FHIT: variants seen among roughly 807,000 people sequenced by gnomAD.
FHIT encodes fragile histidine triad diadenosine triphosphatase, also known as bis(5'-adenosyl)-triphosphatase.
In FHIT, 19 loss-of-function variants were observed where a neutral mutation model predicts 17.9. That is an observed-to-expected ratio of 1.06 (90% CI 0.74 to 1.56). FHIT has a LOEUF of 1.56. Among genes scored for constraint, FHIT ranks in the 40% most tolerant of loss-of-function variants. The pLI, the probability that FHIT is intolerant of heterozygous loss-of-function variation, is 0.00. For missense variants in FHIT, 248 were observed against 189.2 expected, an observed-to-expected ratio of 1.31 and a Z score of -1.82; for synonymous variants, 81 against 69.7, an observed-to-expected ratio of 1.16 and a Z score of -0.81.
chr3:59,936,286 A>C (rs183505878), intron 7 of FHIT, among the ~76,000 whole-genome samples: 2 of 152,220 alleles, frequency 1.3e-5, no homozygotes, highest in East Asian at 3.9e-4. Flanking sequence ...TTATTTATAC[A>C]TCATATCAGA....
intron 4 of FHIT, among the ~76,000 whole-genome samples, chr3:60,817,147 A>C (rs944700172): frequency 7.2e-5 from 11 of 152,126 alleles, no homozygotes; most frequent in African/African-American, 2.6e-4. Context: ...GTATAAATCC[A>C]TTTGCCACTG....
chr3:60,792,393 A>T (rs1487851464), intron 4 of FHIT, among the ~76,000 whole-genome samples: 1 of 152,246 alleles, frequency 6.6e-6, no homozygotes, highest in African/African-American at 2.4e-5. Flanking sequence ...TACAGTTAAA[A>T]TCATGCTGTC....
intron 7 of FHIT, among the ~76,000 whole-genome samples, chr3:59,969,596 T>G (rs766594348): frequency 6.6e-6 from 1 of 152,118 alleles, no homozygotes; most frequent in Non-Finnish European, 1.5e-5. Flanking sequence ...GAACAGTAAC[T>G]GTGTTTTGTA....
intron 5 of FHIT, among the ~76,000 whole-genome samples, chr3:60,248,157 C>T (rs541479220): frequency 6.6e-6 from 1 of 152,228 alleles, no homozygotes; most frequent in South Asian, 2.1e-4. Context: ...AAAACGTCCT[C>T]AAAGTAACTT....
intron 1 of FHIT, among the ~76,000 whole-genome samples, chr3:61,236,976 G>T (rs1470058230): frequency 6.6e-6 from 1 of 152,182 alleles, no homozygotes; most frequent in Admixed American, 6.5e-5. Flanking sequence ...CCCTGAAATA[G>T]AATTAAAGAT....
At position 60,860,679 on chromosome 3, in the gene FHIT, CAT is replaced by C. The variant is rs782278193; in HGVS notation, c.-110-38670_-110-38669del. Among the ~76,000 whole-genome samples the C allele has an allele frequency of 1.2e-3, 114 of 98,456 alleles. 23 individuals carry two copies. The highest frequency in any genetic ancestry group is 5.1e-3 in the African/African-American group (104 of 20,270). The allele number at this position is 98,456 out of a possible 152,430, so 64.6% of individuals were successfully genotyped here. A position where few individuals can be genotyped will look rare whatever the true frequency, so the allele number is the denominator to read the frequency against. On this transcript the variant is annotated intron_variant, in intron 3 of 9. Coordinates refer to ENST00000492590, the MANE Select transcript of FHIT (RefSeq NM_002012.4). ...TATCAGGTATATATGTACATATGTA[CAT>C]ATATATCAGGTATATATGTACATAT...
At chr3:60,209,012 T>C (rs142299899) in intron 5 of FHIT, among the ~76,000 whole-genome samples, 9 of 152,316 alleles carry the variant, frequency 5.9e-5, no homozygotes, top group Admixed American at 3.3e-4. Flanking sequence ...TTCTGTCCAC[T>C]TCGACTCAGA....
chr3:60,963,081 C>A (rs1268197625), intron 3 of FHIT, among the ~76,000 whole-genome samples: 5 of 152,184 alleles, frequency 3.3e-5, no homozygotes, highest in Non-Finnish European at 5.9e-5. Context: ...GGTTGCTAGG[C>A]TATTAATTAT....
intron 4 of FHIT, among the ~76,000 whole-genome samples, chr3:60,707,184 C>T (rs2041395021): frequency 6.6e-6 from 1 of 152,128 alleles, no homozygotes; most frequent in African/African-American, 2.4e-5. Flanking sequence ...TCCAAAAAGC[C>T]CACAGGCACT....
In FHIT at chr3:60,251,831, T is replaced by C. The variant is rs540436807; in HGVS notation, c.104-237679A>G. Among the ~76,000 whole-genome samples, 98 of 152,328 alleles carry C rather than the reference T, an allele frequency of 6.4e-4. 1 individual carries two copies. Among genetic ancestry groups the C allele is most frequent in the Middle Eastern group, 6.8e-3 (2 of 294 alleles). On this transcript the variant is annotated intron_variant, in intron 5 of 9. Transcript: ENST00000492590. Reference sequence around the variant, plus strand: ...AAAGCCCTGCTGTGAACTAACTATGTGCAAGACATGACAAACACAGCAGTC... The same window carrying C: ...AAAGCCCTGCTGTGAACTAACTATGCGCAAGACATGACAAACACAGCAGTC...
chr3:60,612,046 G>A (rs1346944448), intron 4 of FHIT, among the ~76,000 whole-genome samples: 1 of 152,046 alleles, frequency 6.6e-6, no homozygotes, highest in Non-Finnish European at 1.5e-5. Context: ...ACCTAATGAT[G>A]CTCAATCACT....
At chr3:60,314,822 T>A (rs1709096166) in intron 5 of FHIT, among the ~76,000 whole-genome samples, 1 of 152,158 alleles carries the variant, frequency 6.6e-6, no homozygotes, top group Non-Finnish European at 1.5e-5. Context: ...CGGTGGCTCA[T>A]GCCTGTAATC....
Position 59,955,518 on chromosome 3 carries a change from T to A in FHIT, c.280-33104A>T, listed in dbSNP as rs564362385. ...AATGTTGCTGGCACACACTTTTATA[T>A]CCCTAGCTCCCACTTCTCCGCTGGT... On this transcript the variant is annotated intron_variant, in intron 7 of 9. Transcript: ENST00000492590. Among the ~76,000 whole-genome samples the A allele has an allele frequency of 3.3e-5, 5 of 152,286 alleles. No homozygotes were observed. The South Asian group carries it at 1.0e-3, about 32-fold the overall frequency.
chr3:59,896,900 C>A (rs533007292), intron 8 of FHIT, among the ~76,000 whole-genome samples: 29 of 152,170 alleles, frequency 1.9e-4, no homozygotes, highest in African/African-American at 5.8e-4. Flanking sequence ...CGTGATATAT[C>A]TGAATGCAAC....
At chr3:61,000,838 GC>G (rs1410662651) in intron 3 of FHIT, among the ~76,000 whole-genome samples, 1 of 152,118 alleles carries the variant, frequency 6.6e-6, no homozygotes, top group Middle Eastern at 3.2e-3. Flanking sequence ...TAGTGGGGAA[GC>G]CCCAGCCCCA....
At position 60,517,333 on chromosome 3, in the gene FHIT, T is replaced by A. The variant is rs564596428; in HGVS notation, c.103+19527A>T. 7.7e-4 allele frequency among the ~76,000 whole-genome samples: 117 copies of A among 152,350 alleles called. 3 individuals are homozygous for A. The highest frequency in any genetic ancestry group is 2.3e-3 in the South Asian group (11 of 4,830). On this transcript the variant is annotated intron_variant, in intron 5 of 9. Transcript: ENST00000492590. Reference sequence around the variant, plus strand: ...ATATATGATGCAATACATGTAAAATTCTTCCATCCCATCCTACTATACCTT... The same window carrying A: ...ATATATGATGCAATACATGTAAAATACTTCCATCCCATCCTACTATACCTT...
At chr3:61,036,762 A>C (rs2033260531) in intron 3 of FHIT, among the ~76,000 whole-genome samples, 1 of 152,202 alleles carries the variant, frequency 6.6e-6, no homozygotes, top group Non-Finnish European at 1.5e-5. Flanking sequence ...CGGTGAGCAC[A>C]ATAAATCACA....
At chr3:61,207,078 A>G (rs1576216055) in intron 1 of FHIT, among the ~76,000 whole-genome samples, 2 of 152,306 alleles carry the variant, frequency 1.3e-5, no homozygotes, top group African/African-American at 4.8e-5. Flanking sequence ...TGAGATAATC[A>G]TGTGGTTTTT....
chr3:60,087,741 C>A (rs1414522740), intron 5 of FHIT, among the ~76,000 whole-genome samples: 1 of 152,166 alleles, frequency 6.6e-6, no homozygotes, highest in East Asian at 1.9e-4. Context: ...GAGACCTTGT[C>A]AGCATGGATT....
Sources: allele counts gnomAD v4.1 joint callset (sites outside exome capture counted in the v4.1 genomes callset), GRCh38; gene constraint gnomAD v4.1.1; transcripts MANE v1.5; gene names NCBI Gene and HGNC (gene_info 2026-07-23, HGNC 2026-07-21).